Variants in PRDM5 observed in about 807,000 individuals in gnomAD.
PRDM5 encodes the protein PR domain zinc finger protein 5.
Under a neutral mutation model 81.2 loss-of-function variants are expected in PRDM5, and 56 were observed. The observed-to-expected ratio is 0.69, with a 90% CI of 0.56 to 0.86. PRDM5 has a LOEUF of 0.86. PRDM5 is among the 40% of genes least tolerant of loss of function. The pLI is 0.00. For synonymous variants in PRDM5, 267 were observed against 256.4 expected, an observed-to-expected ratio of 1.04 and a Z score of -0.39; for missense variants, 697 against 770.1, an observed-to-expected ratio of 0.91 and a Z score of 1.12.
chr4:120,724,588 G>T (rs1239834548), intron 14 of PRDM5, among the ~76,000 whole-genome samples: 1 of 152,128 alleles, frequency 6.6e-6, no homozygotes, highest in East Asian at 1.9e-4. Flanking sequence ...TAACAAGCAT[G>T]CTTTCTGACA....
At position 120,781,223 on chromosome 4, in the gene PRDM5, G is replaced by A; in HGVS notation, c.1363C>T (p.His455Tyr). 6.2e-7 allele frequency: 1 copy of A among 1,612,908 alleles called. No individual in the cohort carries two copies. Among genetic ancestry groups the A allele is most frequent in the African/African-American group, 1.3e-5 (1 of 74,972 alleles). The change falls in exon 12 of 16, where the codon CAT becomes TAT. Residue 455 changes from histidine (H) to tyrosine (Y), a missense_variant. Around this residue, in one of 3 missense-constraint regions of PRDM5, gnomAD observed 577 missense variants for 606.7 expected, o/e 0.95. Transcript: ENST00000264808. ...DTLNVHVQVV[H>Y]ERHKKYRCEL... Reference sequence around the variant, plus strand: ...CACCTATACTTCTTGTGTCTTTCATGAACCACCTGGACATGAACATTTAAT... The same window carrying A: ...CACCTATACTTCTTGTGTCTTTCATAAACCACCTGGACATGAACATTTAAT...
In PRDM5 at chr4:120,905,142, A is replaced by G. The variant is rs551515682; in HGVS notation, c.177+2332T>C. On this transcript the variant is annotated intron_variant, in intron 2 of 15. Coordinates refer to ENST00000264808, the MANE Select transcript of PRDM5 (RefSeq NM_018699.4). The stretch of plus-strand genomic sequence containing the variant: ...AGCAGGCTAAATTCAGACAATATCA[A>G]TAACATTTCCCACTTAAATTATAGT... 3.9e-5 allele frequency among the ~76,000 whole-genome samples: 6 copies of G among 152,332 alleles called. No individual in the cohort carries two copies. The South Asian group carries it at 8.3e-4, about 21-fold the overall frequency.
At chr4:120,806,244 A>T (rs1752904207) in intron 8 of PRDM5, among the ~76,000 whole-genome samples, 3 of 152,228 alleles carry the variant, frequency 2.0e-5, no homozygotes, top group African/African-American at 7.2e-5. Context: ...GGATAGGAAG[A>T]ATCAATATTG....
chr4:120,870,775 C>T (rs531475084), intron 2 of PRDM5, among the ~76,000 whole-genome samples: 1 of 152,210 alleles, frequency 6.6e-6, no homozygotes, highest in African/African-American at 2.4e-5. Context: ...GTGGAGCGGA[C>T]GGTAGCTCAG....
rs376294297 is a variant in PRDM5, at chr4:120,743,346, T to C, written c.1623+11207A>G. ...AATCATGCCAAAATGTAAAGACCAT[T>C]GAGACTAGGAAGAAACTGCATCAAC... is the stretch of plus-strand genomic sequence containing the variant. On this transcript the variant is annotated intron_variant, in intron 14 of 15. Coordinates refer to ENST00000264808, the MANE Select transcript of PRDM5 (RefSeq NM_018699.4). 4.6e-5 allele frequency among the ~76,000 whole-genome samples: 7 copies of C among 151,962 alleles called. No individual in the cohort carries two copies. The East Asian group carries it at 7.7e-4, about 17-fold the overall frequency.
At chr4:120,802,736 T>C (rs1487085682) in intron 8 of PRDM5, among the ~76,000 whole-genome samples, 2 of 152,040 alleles carry the variant, frequency 1.3e-5, no homozygotes, top group Non-Finnish European at 1.5e-5. Flanking sequence ...CAAAGGTAGA[T>C]AAAACTACAA....
chr4:120,871,078 A>C (rs1761737058), intron 2 of PRDM5, among the ~76,000 whole-genome samples: 2 of 152,194 alleles, frequency 1.3e-5, no homozygotes. Context: ...CCACATGGGA[A>C]GAGGGAACTC....
intron 15 of PRDM5, among the ~76,000 whole-genome samples, chr4:120,698,361 T>G (rs1734827269): frequency 2.6e-5 from 4 of 152,188 alleles, no homozygotes; most frequent in Admixed American, 2.0e-4. Flanking sequence ...TCTACTCTCC[T>G]TGTTTTCCTT....
chr4:120,871,085 A>C, intron 2 of PRDM5, among the ~76,000 whole-genome samples: 1 of 152,026 alleles, frequency 6.6e-6, no homozygotes, highest in Non-Finnish European at 1.5e-5. Flanking sequence ...GGAAGAGGGA[A>C]CTCTCTAGGC....
At chr4:120,867,565 C>G (rs563568892) in intron 2 of PRDM5, among the ~76,000 whole-genome samples, 33 of 152,142 alleles carry the variant, frequency 2.2e-4, no homozygotes, top group Middle Eastern at 3.4e-3. Context: ...TTCTATTGCT[C>G]TTTTCACCTC....
intron 3 of PRDM5, among the ~76,000 whole-genome samples, chr4:120,843,395 A>C (rs1260895513): frequency 6.6e-6 from 1 of 151,798 alleles, no homozygotes; most frequent in South Asian, 2.1e-4. Flanking sequence ...GACTACCATA[A>C]ATGAGCACAT....
chr4:120,821,693 G>A (rs1256618808), intron 3 of PRDM5, among the ~76,000 whole-genome samples: 1 of 150,708 alleles, frequency 6.6e-6, no homozygotes, highest in Non-Finnish European at 1.5e-5. Flanking sequence ...TGCAGACAGA[G>A]AGCAATGAGA....
chr4:120,809,730 G>C (rs931999573), intron 8 of PRDM5, among the ~76,000 whole-genome samples: 1 of 152,142 alleles, frequency 6.6e-6, no homozygotes, highest in Non-Finnish European at 1.5e-5. Context: ...TTAGACATTA[G>C]ACATTCTCAA....
chr4:120,902,959 C>G (rs1765383407), intron 2 of PRDM5, among the ~76,000 whole-genome samples: 1 of 152,212 alleles, frequency 6.6e-6, no homozygotes, highest in Non-Finnish European at 1.5e-5. Flanking sequence ...TCAATCCTGA[C>G]TGGTAACTCC....
intron 4 of PRDM5, among the ~76,000 whole-genome samples, chr4:120,820,185 A>C (rs922379378): frequency 1.3e-5 from 2 of 152,194 alleles, no homozygotes; most frequent in African/African-American, 2.4e-5. Flanking sequence ...CTGTGTCCTC[A>C]TGTATGGGCT....
intron 5 of PRDM5, among the ~76,000 whole-genome samples, chr4:120,817,867 A>G (rs1312782320): frequency 6.6e-6 from 1 of 152,190 alleles, no homozygotes; most frequent in African/African-American, 2.4e-5. Context: ...TGCATCTTTA[A>G]ATTATTCCTC....
intron 15 of PRDM5, among the ~76,000 whole-genome samples, chr4:120,705,296 A>G (rs1317387571): frequency 6.6e-6 from 1 of 152,216 alleles, no homozygotes; most frequent in African/African-American, 2.4e-5. Context: ...ACCTTGTGTC[A>G]TTGAGCTTAT....
intron 1 of PRDM5, 39 bp downstream of exon 1, chr4:120,922,477 G>A: frequency 2.0e-6 from 3 of 1,487,088 alleles, no homozygotes; most frequent in Non-Finnish European, 2.7e-6. Flanking sequence ...CAGGGCGCGC[G>A]AGGTGCAGGG....
At chr4:120,863,189 T>TACACACAC (rs1232966826) in intron 2 of PRDM5, among the ~76,000 whole-genome samples, 131 of 37,328 alleles carry the variant, frequency 3.5e-3, no homozygotes, top group African/African-American at 5.8e-3. Flanking sequence ...TATATATATA[T>TACACACAC]ATACACACAC....
Sources: allele counts gnomAD v4.1 joint callset (sites outside exome capture counted in the v4.1 genomes callset), GRCh38; gene constraint gnomAD v4.1.1; regional missense constraint gnomAD v4.1.1; transcripts MANE v1.5; gene names NCBI Gene and HGNC (gene_info 2026-07-23, HGNC 2026-07-21).